MAN1A2: variants seen among roughly 807,000 people sequenced by gnomAD.
MAN1A2 encodes the protein mannosyl-oligosaccharide 1,2-alpha-mannosidase IB.
In MAN1A2, 26 loss-of-function variants were observed where a neutral mutation model predicts 75.7. That is an observed-to-expected ratio of 0.34 (90% CI 0.25 to 0.48). The LOEUF (loss-of-function observed/expected upper bound fraction) is 0.48. Among genes scored for constraint, MAN1A2 ranks in the 20% least tolerant of loss-of-function variants. MAN1A2 has a pLI of 0.99. For synonymous variants in MAN1A2, 247 were observed against 264.6 expected (o/e 0.93, Z 0.65); for missense variants, 562 against 775.5 (o/e 0.72, Z 3.27).
chr1:117,396,322 A>C (rs1653903714), intron 1 of MAN1A2, among the ~76,000 whole-genome samples: 1 of 152,232 alleles, frequency 6.6e-6, no homozygotes. Flanking sequence ...ATTACCTCCC[A>C]GAAGCTGAAG....
intron 1 of MAN1A2, 58 bp downstream of exon 1, chr1:117,368,543 G>C (rs1652847512): frequency 1.4e-6 from 2 of 1,431,902 alleles, no homozygotes; most frequent in Admixed American, 4.5e-5. Flanking sequence ...TACGGTGATT[G>C]GATCGAATCT....
intron 1 of MAN1A2, among the ~76,000 whole-genome samples, chr1:117,369,846 G>A (rs1652898297): frequency 6.6e-6 from 1 of 152,082 alleles, no homozygotes; most frequent in Non-Finnish European, 1.5e-5. Context: ...ATTTCGCATG[G>A]TATTTGTATA....
intron 1 of MAN1A2, among the ~76,000 whole-genome samples, chr1:117,376,403 T>A (rs1653146704): frequency 6.6e-6 from 1 of 152,258 alleles, no homozygotes. Flanking sequence ...TGTGAGTGTG[T>A]GCTTGGCTTG....
intron 6 of MAN1A2, among the ~76,000 whole-genome samples, chr1:117,445,846 GTGTGTGTGTGTGTA>G (rs745943353): frequency 0.026 from 2,383 of 92,000 alleles, 72 homozygotes; most frequent in African/African-American, 0.054. Flanking sequence ...ATATTTGTGT[GTGTGTGTGTGTGTA>G]TGTGTGTGTG....
At chr1:117,439,644 C>T (rs1012325116) in intron 5 of MAN1A2, among the ~76,000 whole-genome samples, 5 of 151,964 alleles carry the variant, frequency 3.3e-5, no homozygotes, top group African/African-American at 1.2e-4. Flanking sequence ...TAGGCGCGCA[C>T]CACCACACCT....
At chr1:117,446,401 C>A (rs1383887898) in intron 6 of MAN1A2, among the ~76,000 whole-genome samples, 2 of 151,898 alleles carry the variant, frequency 1.3e-5, no homozygotes, top group Non-Finnish European at 2.9e-5. Context: ...TCTCTCTTTT[C>A]CCCCCATAAA....
intron 8 of MAN1A2, among the ~76,000 whole-genome samples, chr1:117,485,065 A>G (rs1420151634): frequency 1.3e-5 from 2 of 151,996 alleles, no homozygotes; most frequent in African/African-American, 2.4e-5. Flanking sequence ...TGTGCAACAC[A>G]TTTTAAAAAG....
At position 117,492,855 on chromosome 1, in the gene MAN1A2, T is replaced by A. The variant is rs557351118; in HGVS notation, c.1169-292T>A. 3.0e-4 allele frequency among the ~76,000 whole-genome samples: 46 copies of A among 152,098 alleles called. No homozygotes were observed. The South Asian group carries it at 7.1e-3, about 23-fold the overall frequency. ...AAGGTAATTATCAATTCTGGAAAAGTTTGGCTCTATGACAGTGAACAAACT... is the reference window on the plus strand; with the variant it reads ...AAGGTAATTATCAATTCTGGAAAAGATTGGCTCTATGACAGTGAACAAACT... On this transcript the variant is annotated intron_variant, in intron 8 of 12. Transcript: ENST00000356554.
At chr1:117,416,707 C>T (rs1269937034) in intron 4 of MAN1A2, among the ~76,000 whole-genome samples, 1 of 152,126 alleles carries the variant, frequency 6.6e-6, no homozygotes, top group Non-Finnish European at 1.5e-5. Context: ...ACAGCTGCCA[C>T]CTGTGGGGAC....
At chr1:117,478,263 T>A (rs1650383271) in intron 8 of MAN1A2, among the ~76,000 whole-genome samples, 1 of 151,978 alleles carries the variant, frequency 6.6e-6, no homozygotes, top group Non-Finnish European at 1.5e-5. Flanking sequence ...TCTTGTCTAC[T>A]GCCTATTAAA....
At chr1:117,390,746 A>G (rs535927100) in intron 1 of MAN1A2, among the ~76,000 whole-genome samples, 1 of 151,958 alleles carries the variant, frequency 6.6e-6, no homozygotes, top group South Asian at 2.1e-4. Flanking sequence ...TAGATTGGTT[A>G]ATGCTATAAT....
intron 12 of MAN1A2, among the ~76,000 whole-genome samples, chr1:117,512,994 G>A (rs1438679819): frequency 6.6e-6 from 1 of 152,026 alleles, no homozygotes; most frequent in Non-Finnish European, 1.5e-5. Context: ...TTTAAAATCA[G>A]CTTTATTGAA....
At chr1:117,484,914 T>C (rs1004799613) in intron 8 of MAN1A2, among the ~76,000 whole-genome samples, 1 of 151,982 alleles carries the variant, frequency 6.6e-6, no homozygotes, top group African/African-American at 2.4e-5. Flanking sequence ...ATGTGGCTTG[T>C]CTATATGTTT....
intron 6 of MAN1A2, among the ~76,000 whole-genome samples, chr1:117,442,816 G>A (rs546256616): frequency 6.6e-6 from 1 of 151,798 alleles, no homozygotes; most frequent in South Asian, 2.1e-4. Flanking sequence ...TGACTGCGGG[G>A]TTTTTATTAT....
chr1:117,453,972 A>G (rs1649499865), intron 6 of MAN1A2, among the ~76,000 whole-genome samples: 1 of 152,198 alleles, frequency 6.6e-6, no homozygotes, highest in Admixed American at 6.5e-5. Flanking sequence ...AAGACCCTCC[A>G]CCATCAAAAA....
At chr1:117,397,456 C>T (rs1313179814) in intron 1 of MAN1A2, among the ~76,000 whole-genome samples, 4 of 151,684 alleles carry the variant, frequency 2.6e-5, no homozygotes, top group Non-Finnish European at 5.9e-5. Context: ...GTACTTTGCA[C>T]CTGTGGAGGA....
At chr1:117,452,207 T>C (rs1488439343) in intron 6 of MAN1A2, among the ~76,000 whole-genome samples, 2 of 151,592 alleles carry the variant, frequency 1.3e-5, no homozygotes, top group African/African-American at 4.9e-5. Context: ...CTTGGGAGGT[T>C]GAGGCAAGAG....
chr1:117,377,748 A>G (rs987633778), intron 1 of MAN1A2, among the ~76,000 whole-genome samples: 1 of 152,198 alleles, frequency 6.6e-6, no homozygotes, highest in African/African-American at 2.4e-5. Flanking sequence ...GCACCACACT[A>G]TTTTAATTTC....
intron 12 of MAN1A2, among the ~76,000 whole-genome samples, chr1:117,516,835 C>T (rs1297207443): frequency 2.0e-5 from 3 of 152,002 alleles, no homozygotes; most frequent in Non-Finnish European, 1.5e-5. Flanking sequence ...CAGGACAGTA[C>T]CAGAGAGAAG....
Sources: gnomAD v4.1 joint callset for allele counts (sites outside exome capture counted in the v4.1 genomes callset) on GRCh38, gnomAD v4.1.1 for gene constraint, MANE v1.5 for transcripts, NCBI Gene and HGNC (gene_info 2026-07-23, HGNC 2026-07-21) for gene names.